The following ABCA2 variants were observed in gnomAD, a reference collection of about 807,000 sequenced individuals.
The protein encoded by ABCA2 is ATP binding cassette subfamily A member 2.
Under a neutral mutation model 262.8 loss-of-function variants are expected in ABCA2, and 84 were observed. That is an observed-to-expected ratio of 0.32 (90% CI 0.27 to 0.38). The LOEUF is 0.38. Ranked by LOEUF, ABCA2 falls within the 10% of genes least tolerant of loss-of-function variation. ABCA2 has a pLI of 1.00. For synonymous variants in ABCA2, 1,696 were observed against 1,502.9 expected, an observed-to-expected ratio of 1.13 and a Z score of -2.97; for missense variants, 2,662 against 3,405.9, an observed-to-expected ratio of 0.78 and a Z score of 5.44.
chr9:137,009,708 T>A (rs1008891987), intron 43 of ABCA2, 61 bp downstream of exon 43: 1 of 1,610,550 alleles, frequency 6.2e-7, no homozygotes, highest in African/African-American at 1.3e-5. Flanking sequence ...ACGCTGCCCC[T>A]GCCCGTGCTC....
In ABCA2 at chr9:137,019,535, G is replaced by A. The variant is rs551326567; in HGVS notation, c.1426-229C>T. On this transcript the variant is annotated intron_variant, in intron 10 of 48. Coordinates refer to ENST00000341511, the MANE Select transcript of ABCA2 (RefSeq NM_001606.5). This position sits in a 1 kb window ranked among gnomAD's most constrained non-coding sequence, Gnocchi z 4.4. ...CCTCCCAGGCTCAAGGGATCCTCCC[G>A]CCTCAGCCCTCCAAGTAGCTGGGAT... 9.9e-4 allele frequency: 498 copies of A among 500,684 alleles called. 1 individual carries two copies. The highest frequency in any genetic ancestry group is 4.3e-3 in the South Asian group (177 of 41,504). The allele number at this position is 500,684 out of a possible 1,614,324, so 31.0% of individuals were successfully genotyped here. A position where few individuals can be genotyped will look rare whatever the true frequency, so the allele number is the denominator to read the frequency against.
In ABCA2 at chr9:137,010,748, A is replaced by G; in HGVS notation, c.6057-11T>C. 6.2e-7 allele frequency: 1 copy of G among 1,609,770 alleles called. No homozygotes were observed. Among genetic ancestry groups the G allele is most frequent in the South Asian group, 1.1e-5 (1 of 91,020 alleles). ...GACACAGGCATGCGCCTTGGGGGAC[A>G]GGGTGGACAGTGTCCAGCAGCTCGC... On this transcript the variant is annotated splice_polypyrimidine_tract_variant and intron_variant, in intron 39 of 48. Coordinates refer to ENST00000341511, the MANE Select transcript of ABCA2 (RefSeq NM_001606.5).
intron 48 of ABCA2, 120 bp downstream of exon 48, chr9:137,008,296 C>A (rs2131423124): frequency 8.3e-7 from 1 of 1,199,130 alleles, no homozygotes; most frequent in Non-Finnish European, 1.2e-6. Context: ...GCCCCCTTGA[C>A]CTCTGGACAG....
rs1169139765 is a variant in ABCA2, at chr9:137,012,152, G to C, written c.5310C>G (p.Val1770=). The change falls in exon 34 of 49, where the codon GTC becomes GTG. Residue 1770 remains valine (V), a synonymous_variant. Transcript: ENST00000341511. The part of the protein sequence containing the change: ...KGNPAAYGIT[V]TNHPMNKTSA... Reference sequence around the variant, plus strand: ...TGGTCTTATTCATGGGGTGGTTGGTGACGGTGATGCCTGCACACGGCGGGG... The same window carrying C: ...TGGTCTTATTCATGGGGTGGTTGGTCACGGTGATGCCTGCACACGGCGGGG... 1 of 1,612,388 alleles carries C rather than the reference G, an allele frequency of 6.2e-7. No individual in the cohort carries two copies. The highest frequency in any genetic ancestry group is 8.5e-7 in the Non-Finnish European group (1 of 1,179,892).
intron 28 of ABCA2, 88 bp downstream of exon 28, chr9:137,013,744 C>A: frequency 6.9e-7 from 1 of 1,458,486 alleles, no homozygotes; most frequent in South Asian, 1.2e-5. Context: ...GGCCCAGAGT[C>A]AGGAAGCTCA....
rs752180256 is a variant in ABCA2 at position 137,020,833 on chromosome 9, C to T, written c.1126G>A (p.Val376Ile). 127 of 1,548,814 alleles carry T rather than the reference C, an allele frequency of 8.2e-5. No homozygotes were observed. The Middle Eastern group carries it at 1.0e-3, about 12-fold the overall frequency. ...GAANGTGAGA[V>I]MGPNATAEEG... ...TCAGCGGTGGCGTTGGGGCCCATGA[C>T]TGCCCCTGCCCCAGTGCCATTGGCC... Residue 376 changes from valine to isoleucine, a missense_variant, in exon 9 of 49, where the codon GTC (valine) becomes ATC (isoleucine). By Grantham distance (29) the Val-to-Ile change is conservative. Coordinates refer to ENST00000341511, the MANE Select transcript of ABCA2 (RefSeq NM_001606.5).
rs1255828333 is a variant in ABCA2 at position 137,013,081 on chromosome 9, G to A, written c.4788C>T (p.Pro1596=). 8 of 1,571,878 alleles carry A rather than the reference G, an allele frequency of 5.1e-6. No individual in the cohort carries two copies. Among genetic ancestry groups the A allele is most frequent in the African/African-American group, 1.3e-5 (1 of 74,290 alleles). The change falls in exon 30 of 49, where the codon CCC becomes CCT. Residue 1596 remains proline (P), a synonymous_variant. Transcript: ENST00000341511. ...LSNFVPPPPS[P]APSDSPASPD... ...GGGACGCTGGCGAGTCAGATGGGGC[G>A]GGCGAGGGTGGGGGTGGCACGAAAT...
chr9:137,022,545 G>C, intron 5 of ABCA2, 67 bp from the exon 6 acceptor site: 2 of 1,579,650 alleles, frequency 1.3e-6, no homozygotes, highest in Non-Finnish European at 1.7e-6. Context: ...ACATGCGCTC[G>C]GAGCCGAGCC....
Position 137,016,731 on chromosome 9 carries a change from G to A in ABCA2, c.2766C>T (p.Tyr922=), listed in dbSNP as rs373383530. The A allele has an allele frequency of 9.7e-6, 15 of 1,552,858 alleles. No homozygotes were observed. The highest frequency in any genetic ancestry group is 4.1e-5 in the African/African-American group (3 of 73,682). The change falls in exon 20 of 49, where the codon TAC becomes TAT. Residue 922 remains tyrosine (Y), a synonymous_variant. Coordinates refer to ENST00000341511, the MANE Select transcript of ABCA2 (RefSeq NM_001606.5). ...WYIEAVHPGM[Y]GLPRPWYFPL... ...GGAAGTACCAGGGCCGGGGCAGCCC[G>A]TACATGCCTGGGGGTCGGGGAGGGG...
Position 137,014,050 on chromosome 9 carries a change from G to A in ABCA2, c.4241-12C>T, listed in dbSNP as rs1479315561. 7.5e-6 allele frequency: 12 copies of A among 1,608,934 alleles called. No individual in the cohort carries two copies. The highest frequency in any genetic ancestry group is 7.6e-6 in the Non-Finnish European group (9 of 1,179,268). On this transcript the variant is annotated splice_polypyrimidine_tract_variant and intron_variant, in intron 27 of 48. Coordinates refer to ENST00000341511, the MANE Select transcript of ABCA2 (RefSeq NM_001606.5). ...CTCTGCCTCCACCTCTGTGCAGAGA[G>A]GTAGAGGCTGAGCAGGTGGTTGCAC...
At chr9:137,023,350 C>G in intron 3 of ABCA2, 1 of 686,976 alleles carries the variant, frequency 1.5e-6, no homozygotes, top group Non-Finnish European at 2.7e-6. Flanking sequence ...TGCCCTGGCA[C>G]TCTCCCCCCG....
Position 137,011,074 on chromosome 9 carries a change from C to T in ABCA2, c.5955G>A (p.Glu1985=), listed in dbSNP as rs1831023485. 1.9e-6 allele frequency: 3 copies of T among 1,612,284 alleles called. No individual in the cohort carries two copies. The East Asian group carries it at 6.7e-5, about 36-fold the overall frequency. Residue 1985 remains glutamate, a synonymous_variant, in exon 39 of 49, where the codon GAG becomes GAA. Coordinates refer to ENST00000341511, the MANE Select transcript of ABCA2 (RefSeq NM_001606.5). This position sits in a 1 kb window ranked among gnomAD's most constrained non-coding sequence, Gnocchi z 8.8. ...GQFDKMKSPF[E]WDIVTRGLVA... Reference sequence around the variant, plus strand: ...CCAGTCCGCGGGTGACAATGTCCCACTCGAACGGGGACTTCATCTTGTCAA... The same window carrying T: ...CCAGTCCGCGGGTGACAATGTCCCATTCGAACGGGGACTTCATCTTGTCAA...
In ABCA2 at chr9:137,022,826, CTCCACCACGCGG is replaced by C; in HGVS notation, c.303_314del (p.Asp101_Val104del). 6.3e-7 allele frequency: 1 copy of C among 1,589,602 alleles called. No homozygotes were observed. Among genetic ancestry groups the C allele is most frequent in the Non-Finnish European group, 8.6e-7 (1 of 1,169,094 alleles). ...GCGCTGGGTCAAACAGGTTGCCTTC[CTCCACCACGCGG>C]TCCAGGCGCTCAAGCAGCTGCGTGA... On this transcript the variant is annotated inframe_deletion, in exon 5 of 49. Transcript: ENST00000341511.
chr9:137,027,933 G>A (rs1217048245), intron 1 of ABCA2, 142 bp downstream of exon 1: 1 of 233,408 alleles, frequency 4.3e-6, no homozygotes, highest in African/African-American at 2.4e-5. Context: ...GCCCGGCGGG[G>A]AGGGGGCTCG....
In ABCA2 at chr9:137,014,368, G is replaced by A. The variant is rs747657286; in HGVS notation, c.4040C>T (p.Ala1347Val). 23 of 1,595,946 alleles carry A rather than the reference G, an allele frequency of 1.4e-5. No homozygotes were observed. Among genetic ancestry groups the A allele is most frequent in the Non-Finnish European group, 1.5e-5 (17 of 1,171,964 alleles). ...KESRKDVLPG[A>V]EGPASGEGHA... is the part of the protein sequence containing the mutation. ...ACCCTCCCCAGACGCCGGGCCCTCCGCCCCAGGGAGCACATCCTTCCTGGA... is the reference window on the plus strand; with the variant it reads ...ACCCTCCCCAGACGCCGGGCCCTCCACCCCAGGGAGCACATCCTTCCTGGA... The change falls in exon 27 of 49, where the codon GCG (alanine) becomes GTG (valine). Residue 1347 changes from alanine to valine, a missense_variant. By Grantham distance (64) the Ala-to-Val change is moderately conservative. Coordinates refer to ENST00000341511, the MANE Select transcript of ABCA2 (RefSeq NM_001606.5).
intron 40 of ABCA2, 74 bp downstream of exon 40, chr9:137,010,546 T>G (rs1250016453): frequency 6.2e-6 from 7 of 1,122,520 alleles, no homozygotes; most frequent in East Asian, 3.3e-5. Context: ...AGGCTCCACC[T>G]CCACTGCTGG....
rs1336676475 is a variant in ABCA2, at chr9:137,009,037, T to C, written c.6844A>G (p.Met2282Val). The C allele has an allele frequency of 2.5e-6, 4 of 1,607,718 alleles. No homozygotes were observed. The highest frequency in any genetic ancestry group is 2.5e-6 in the Non-Finnish European group (3 of 1,179,742). The change falls in exon 46 of 49, where the codon ATG (methionine) becomes GTG (valine). Residue 2282 changes from methionine to valine, a missense_variant. Met to Val is a conservative substitution (Grantham distance 21). Coordinates refer to ENST00000341511, the MANE Select transcript of ABCA2 (RefSeq NM_001606.5). ...HLKNRFGDGYMITVRTKSSQS... is the reference protein window; with the variant it reads ...HLKNRFGDGYVITVRTKSSQS... Reference sequence around the variant, plus strand: ...CTGCTCTTGGTCCGCACCGTGATCATGTAGCCATCTCCAAACCTGGTGGGA... The same window carrying C: ...CTGCTCTTGGTCCGCACCGTGATCACGTAGCCATCTCCAAACCTGGTGGGA...
intron 27 of ABCA2, 51 bp from the exon 28 acceptor site, chr9:137,014,089 T>TA: frequency 6.3e-7 from 1 of 1,595,918 alleles, no homozygotes; most frequent in Non-Finnish European, 8.5e-7. Context: ...ACCCTCTCCC[T>TA]ACTGGCTGCC....
intron 40 of ABCA2, 113 bp downstream of exon 40, chr9:137,010,507 A>T (rs774239314): frequency 2.7e-5 from 19 of 702,396 alleles, no homozygotes; most frequent in Non-Finnish European, 5.2e-6. Flanking sequence ...TGCAGGCCCC[A>T]CCCCCAGAGC....
Sources: gnomAD v4.1 joint callset for allele counts on GRCh38, gnomAD v4.1.1 for gene constraint, Gnocchi (gnomAD v3.1) non-coding constraint, MANE v1.5 for transcripts, NCBI Gene and HGNC (gene_info 2026-07-23, HGNC 2026-07-21) for gene names.